The following GNPDA2 variants were observed in gnomAD, a reference collection of about 807,000 sequenced individuals.
GNPDA2 encodes the protein glucosamine-6-phosphate deaminase 2.
GNPDA2 carries 24 observed loss-of-function variants against 27.0 expected under a neutral mutation model. The ratio of observed to expected loss-of-function variants is 0.89; its 90% CI spans 0.64 to 1.25. The LOEUF (loss-of-function observed/expected upper bound fraction) is 1.25. Ranked by LOEUF, GNPDA2 falls within the 50% of genes most tolerant of loss-of-function variation. The pLI is 0.00. For missense variants in GNPDA2, 286 were observed against 335.1 expected (o/e 0.85, Z 1.14); for synonymous variants, 94 against 108.4 (o/e 0.87, Z 0.83).
chr4:44,717,092 T>G (rs780456633), intron 4 of GNPDA2, 21 bp downstream of exon 4: 2 of 1,548,968 alleles, frequency 1.3e-6, no homozygotes, highest in East Asian at 4.5e-5. Flanking sequence ...AAACAGTTAA[T>G]GACAAAAGGT....
At chr4:44,718,573 A>C (rs1031882799) in intron 2 of GNPDA2, among the ~76,000 whole-genome samples, 163 bp from the exon 3 acceptor site, 1 of 151,924 alleles carries the variant, frequency 6.6e-6, no homozygotes, top group Non-Finnish European at 1.5e-5. Context: ...AGTACTTTGA[A>C]ATTTTGGTAA....
chr4:44,707,705 C>A lies in GNPDA2; in HGVS notation c.769+47G>T, dbSNP rs757013678. Reference sequence around the variant, plus strand: ...CACAGTCACAGTAAGTTTTAATTGTCACTCACAACAGATTATCTCAGTCGG... The same window carrying A: ...CACAGTCACAGTAAGTTTTAATTGTAACTCACAACAGATTATCTCAGTCGG... On this transcript the variant is annotated intron_variant, in intron 6 of 6. Transcript: ENST00000295448. The A allele has an allele frequency of 7.2e-6, 11 of 1,525,390 alleles. No individual in the cohort carries two copies. In the South Asian group the frequency reaches 1.2e-4, roughly 16 times the overall value. The allele number at this position is 1,525,390 out of a possible 1,614,324, so 94.5% of individuals were successfully genotyped here.
rs1024753581 is a variant in GNPDA2 at position 44,702,085 on chromosome 4, CACATGTACTAT to C, written c.*985_*995del. ...AACAAACCCAAAATGAATGCAGGTT[CACATGTACTAT>C]AATTGTTGGGAGTCGAATGCATGTA... On this transcript the variant is annotated 3_prime_UTR_variant, in exon 7 of 7. Coordinates refer to ENST00000295448, the MANE Select transcript of GNPDA2 (RefSeq NM_138335.3). 2 of 984,330 alleles carry C rather than the reference CACATGTACTAT, an allele frequency of 2.0e-6. No homozygotes were observed. The highest frequency in any genetic ancestry group is 6.2e-5 in the Admixed American group (1 of 16,218). The allele number at this position is 984,330 out of a possible 1,614,324, so 61.0% of individuals were successfully genotyped here.
At chr4:44,703,572 C>A in intron 6 of GNPDA2, 1 of 985,660 alleles carries the variant, frequency 1.0e-6, no homozygotes, top group Non-Finnish European at 1.2e-6. Flanking sequence ...ATTACCCTAT[C>A]CATTCGTCTG....
At chr4:44,714,429 C>A in intron 4 of GNPDA2, 5 of 985,210 alleles carry the variant, frequency 5.1e-6, no homozygotes, top group Non-Finnish European at 6.0e-6. Flanking sequence ...TTTTTCTTTC[C>A]CTCTTCCCTC....
At chr4:44,714,484 C>T (rs1247948432) in intron 4 of GNPDA2, 1 of 985,222 alleles carries the variant, frequency 1.0e-6, no homozygotes, top group African/African-American at 1.7e-5. Context: ...TGAGCAATAG[C>T]AGATTAACAT....
Position 44,702,134 on chromosome 4 carries a change from A to C in GNPDA2, c.*947T>G. On this transcript the variant is annotated 3_prime_UTR_variant, in exon 7 of 7. Transcript: ENST00000295448. ...TCGAATGCATGTATTCTTCAGGTTC[A>C]CTTCTGGAAATTTAGATAACTTATT... 2 of 948,176 alleles carry C rather than the reference A, an allele frequency of 2.1e-6. No individual in the cohort carries two copies. The highest frequency in any genetic ancestry group is 2.5e-6 in the Non-Finnish European group (2 of 795,620). The allele number at this position is 948,176 out of a possible 1,614,324, so 58.7% of individuals were successfully genotyped here. A position where few individuals can be genotyped will look rare whatever the true frequency, so the allele number is the denominator to read the frequency against.
chr4:44,713,363 T>C (rs896504056), intron 4 of GNPDA2, among the ~76,000 whole-genome samples: 18 of 152,180 alleles, frequency 1.2e-4, no homozygotes, highest in South Asian at 2.1e-4. Flanking sequence ...AGGGAGAAGA[T>C]TGATGAGTTT....
intron 1 of GNPDA2, among the ~76,000 whole-genome samples, chr4:44,723,649 T>C (rs1336846842): frequency 2.0e-5 from 3 of 152,188 alleles, no homozygotes; most frequent in Non-Finnish European, 4.4e-5. Flanking sequence ...CTCAGGTTGA[T>C]TTCTTATCTT....
intron 1 of GNPDA2, among the ~76,000 whole-genome samples, chr4:44,726,254 C>A (rs1163191469): frequency 3.9e-5 from 6 of 152,112 alleles, no homozygotes; most frequent in African/African-American, 1.4e-4. Context: ...GGCAGGGACG[C>A]CTTCTCCCGT....
rs566794176 is a variant in GNPDA2 at position 44,703,215 on chromosome 4, GTAT to G, written c.770-76_770-74del. ...TATCTCATTTACTTTAGACAACAAA[GTAT>G]TTTTTATAAGACACAGTAAGCCTGT... On this transcript the variant is annotated intron_variant, in intron 6 of 6. Transcript: ENST00000295448. The G allele has an allele frequency of 2.5e-4, 387 of 1,538,826 alleles. No homozygotes were observed. The African/African-American group carries it at 5.0e-3, about 20-fold the overall frequency.
intron 6 of GNPDA2, chr4:44,705,161 A>C (rs1716512716): frequency 1.0e-6 from 1 of 984,216 alleles, no homozygotes; most frequent in Non-Finnish European, 1.2e-6. Context: ...AAGGGTAGTG[A>C]TGTGAATGGA....
chr4:44,715,512 GTA>G (rs1717230533), intron 4 of GNPDA2, among the ~76,000 whole-genome samples: 1 of 152,036 alleles, frequency 6.6e-6, no homozygotes, highest in Non-Finnish European at 1.5e-5. Context: ...GAAGTATGTG[GTA>G]CTCCAGTAAT....
At position 44,702,109 on chromosome 4, in the gene GNPDA2, T is replaced by C; in HGVS notation, c.*972A>G. On this transcript the variant is annotated 3_prime_UTR_variant, in exon 7 of 7. Transcript: ENST00000295448. The stretch of plus-strand genomic sequence containing the variant: ...TCACATGTACTATAATTGTTGGGAG[T>C]CGAATGCATGTATTCTTCAGGTTCA... 1.0e-6 allele frequency: 1 copy of C among 974,866 alleles called. No individual in the cohort carries two copies. The highest frequency in any genetic ancestry group is 1.2e-6 in the Non-Finnish European group (1 of 820,192). The allele number at this position is 974,866 out of a possible 1,614,324, so 60.4% of individuals were successfully genotyped here. A position where few individuals can be genotyped will look rare whatever the true frequency, so the allele number is the denominator to read the frequency against.
In GNPDA2 at chr4:44,717,182, A is replaced by T; in HGVS notation, c.340T>A (p.Leu114Ile). 6.2e-7 allele frequency: 1 copy of T among 1,609,472 alleles called. No individual in the cohort carries two copies. Among genetic ancestry groups the T allele is most frequent in the Non-Finnish European group, 8.5e-7 (1 of 1,177,508 alleles). ...TCAAAAGCATCACATTCTGCTTGTA[A>T]ATCTGCAGCATTCCCGTCAAGGATA... ...AHILDGNAAD[L>I]QAECDAFENK... is the part of the protein sequence containing the mutation. The change falls in exon 4 of 7, where the codon TTA (leucine) becomes ATA (isoleucine). Residue 114 changes from leucine to isoleucine, a missense_variant. Coordinates refer to ENST00000295448, the MANE Select transcript of GNPDA2 (RefSeq NM_138335.3).
rs1716468283 is a variant in GNPDA2, at chr4:44,704,519, T to C, written c.770-1377A>G. 5.8e-6 allele frequency: 4 copies of C among 695,140 alleles called. No homozygotes were observed. The South Asian group carries it at 2.6e-4, about 46-fold the overall frequency. The allele number at this position is 695,140 out of a possible 1,614,324, so 43.1% of individuals were successfully genotyped here. A position where few individuals can be genotyped will look rare whatever the true frequency, so the allele number is the denominator to read the frequency against. On this transcript the variant is annotated intron_variant, in intron 6 of 6. Transcript: ENST00000295448. ...TTCTTTACATTGGATATATCTTTTA[T>C]ACATCAAATAGGACTGCTTCCAAAC... is the stretch of plus-strand genomic sequence containing the variant.
intron 2 of GNPDA2, among the ~76,000 whole-genome samples, chr4:44,719,651 TTCTC>T (rs1160290667): frequency 6.6e-6 from 1 of 152,078 alleles, no homozygotes; most frequent in Non-Finnish European, 1.5e-5. Context: ...AGTGAATCTC[TTCTC>T]TCTTTTAGTG....
chr4:44,702,082 G>A lies in GNPDA2; in HGVS notation c.*999C>T. On this transcript the variant is annotated 3_prime_UTR_variant, in exon 7 of 7. Coordinates refer to ENST00000295448, the MANE Select transcript of GNPDA2 (RefSeq NM_138335.3). ...GGTAACAAACCCAAAATGAATGCAGGTTCACATGTACTATAATTGTTGGGA... is the reference window on the plus strand; with the variant it reads ...GGTAACAAACCCAAAATGAATGCAGATTCACATGTACTATAATTGTTGGGA... 1 of 984,694 alleles carries A rather than the reference G, an allele frequency of 1.0e-6. No homozygotes were observed. The highest frequency in any genetic ancestry group is 1.2e-6 in the Non-Finnish European group (1 of 829,028). 61.0% of individuals were successfully genotyped at this position (984,694 alleles called of 1,614,324 possible). A position where few individuals can be genotyped will look rare whatever the true frequency, so the allele number is the denominator to read the frequency against.
In GNPDA2 at chr4:44,722,099, G is replaced by C; in HGVS notation, c.109C>G (p.Leu37Val). 1 of 1,610,460 alleles carries C rather than the reference G, an allele frequency of 6.2e-7. No individual in the cohort carries two copies. Residue 37 changes from leucine to valine, a missense_variant, in exon 2 of 7, where the codon CTG (leucine) becomes GTG (valine). Transcript: ENST00000295448. ...FKPGQDRYFT[L>V]GLPTGSTPLG... ...AGTTAATTACCTGTTGGTAAACCCAGTGTAAAATATCTGTCCTGTCCAGGT... is the reference window on the plus strand; with the variant it reads ...AGTTAATTACCTGTTGGTAAACCCACTGTAAAATATCTGTCCTGTCCAGGT...
Sources: gnomAD v4.1 joint callset for allele counts (sites outside exome capture counted in the v4.1 genomes callset) on GRCh38, gnomAD v4.1.1 for gene constraint, MANE v1.5 for transcripts, NCBI Gene and HGNC (gene_info 2026-07-23, HGNC 2026-07-21) for gene names.